BCAT1: variants seen among roughly 807,000 people sequenced by gnomAD.
BCAT1 encodes branched chain amino acid transaminase 1.
In BCAT1, 48 loss-of-function variants were observed where a neutral mutation model predicts 52.4. The observed-to-expected ratio is 0.92, with a 90% CI of 0.73 to 1.16. The LOEUF is 1.16. Among genes scored for constraint, BCAT1 ranks in the 50% most tolerant of loss-of-function variants. The pLI is 0.00. For missense variants in BCAT1, 451 were observed against 457.1 expected (o/e 0.99, Z 0.12); for synonymous variants, 167 against 161.3 (o/e 1.04, Z -0.27).
intron 5 of BCAT1, among the ~76,000 whole-genome samples, chr12:24,861,970 T>C (rs1240326305): frequency 2.0e-5 from 3 of 152,240 alleles, no homozygotes; most frequent in Non-Finnish European, 4.4e-5. Flanking sequence ...ACCAGTGCCA[T>C]GGCAGTTTAC....
chr12:24,903,510 A>T (rs1943170804), intron 1 of BCAT1: 1 of 152,364 alleles, frequency 6.6e-6, no homozygotes, highest in Non-Finnish European at 1.5e-5. Context: ...TCTGCCACTG[A>T]CCGCTATGTG....
At chr12:24,934,497 A>G (rs1943724190) in intron 1 of BCAT1, among the ~76,000 whole-genome samples, 1 of 152,198 alleles carries the variant, frequency 6.6e-6, no homozygotes, top group Non-Finnish European at 1.5e-5. Context: ...TGTTCAATAA[A>G]TGCATTATAA....
chr12:24,885,333 C>T (rs1942628151), intron 3 of BCAT1, among the ~76,000 whole-genome samples: 1 of 151,996 alleles, frequency 6.6e-6, no homozygotes, highest in Non-Finnish European at 1.5e-5. Flanking sequence ...GGAGAAAAAT[C>T]TAACAAAAGA....
chr12:24,873,444 T>C (rs1188822856), intron 5 of BCAT1, among the ~76,000 whole-genome samples: 1 of 152,202 alleles, frequency 6.6e-6, no homozygotes, highest in African/African-American at 2.4e-5. Context: ...TTACAAGAAG[T>C]TTATATAACA....
At chr12:24,930,318 C>T (rs1039864425) in intron 1 of BCAT1, among the ~76,000 whole-genome samples, 1 of 152,218 alleles carries the variant, frequency 6.6e-6, no homozygotes, top group Non-Finnish European at 1.5e-5. Flanking sequence ...CTTGCCCCAG[C>T]AAGTAGCCTT....
chr12:24,929,820 T>G (rs1322370165), intron 1 of BCAT1, among the ~76,000 whole-genome samples: 1 of 152,202 alleles, frequency 6.6e-6, no homozygotes, highest in African/African-American at 2.4e-5. Context: ...CATCTGGCCT[T>G]TCTTTGAGTC....
At chr12:24,918,805 C>G (rs1943457883) in intron 1 of BCAT1, among the ~76,000 whole-genome samples, 1 of 152,210 alleles carries the variant, frequency 6.6e-6, no homozygotes, top group Non-Finnish European at 1.5e-5. Context: ...GTGTACTTCT[C>G]TGGAAAGTCT....
chr12:24,823,557 C>G (rs1940241907), intron 10 of BCAT1, among the ~76,000 whole-genome samples: 1 of 152,180 alleles, frequency 6.6e-6, no homozygotes, highest in Non-Finnish European at 1.5e-5. Context: ...GAATTGTAAT[C>G]CCCCATGTTG....
At chr12:24,917,139 T>C (rs1376314615) in intron 1 of BCAT1, among the ~76,000 whole-genome samples, 1 of 152,000 alleles carries the variant, frequency 6.6e-6, no homozygotes, top group Admixed American at 6.6e-5. Flanking sequence ...CTCGTTCTCC[T>C]TGATGTTGGG....
intron 2 of BCAT1, among the ~76,000 whole-genome samples, chr12:24,900,184 G>A (rs1011309661): frequency 1.3e-5 from 2 of 152,150 alleles, no homozygotes; most frequent in South Asian, 2.1e-4. Context: ...CATATGTGCT[G>A]TGAATACATC....
At chr12:24,863,510 G>C (rs1941911720) in intron 5 of BCAT1, among the ~76,000 whole-genome samples, 1 of 152,200 alleles carries the variant, frequency 6.6e-6, no homozygotes, top group Non-Finnish European at 1.5e-5. Context: ...AGTTATTTGG[G>C]AAATACAGGT....
intron 5 of BCAT1, among the ~76,000 whole-genome samples, chr12:24,876,123 T>C (rs12296255): frequency 0.17 from 25,287 of 151,812 alleles, 2,153 homozygotes; most frequent in East Asian, 0.22. Context: ...CAGAATGGTA[T>C]GTGTACTCAA....
chr12:24,841,990 C>T, intron 7 of BCAT1, 92 bp downstream of exon 7: 1 of 1,437,324 alleles, frequency 7.0e-7, no homozygotes, highest in Non-Finnish European at 9.5e-7. Context: ...AACTGTGCTA[C>T]TTACTCCCTT....
intron 10 of BCAT1, among the ~76,000 whole-genome samples, chr12:24,821,929 G>T (rs1006551764): frequency 1.3e-5 from 2 of 152,142 alleles, no homozygotes; most frequent in African/African-American, 4.8e-5. Context: ...GACAGCCAAG[G>T]CCTTATCCAG....
intron 1 of BCAT1, among the ~76,000 whole-genome samples, chr12:24,932,783 T>G (rs1943694319): frequency 6.7e-6 from 1 of 148,848 alleles, no homozygotes; most frequent in Non-Finnish European, 1.5e-5. Flanking sequence ...ATTACAGGTG[T>G]GTGCCACCAT....
At chr12:24,860,395 CT>C (rs34370749) in intron 5 of BCAT1, among the ~76,000 whole-genome samples, 7,245 of 151,192 alleles carry the variant, frequency 0.048, 541 homozygotes, top group African/African-American at 0.16. Context: ...GTCAAGAAAC[CT>C]TTTTTTTTGA....
Position 24,901,875 on chromosome 12 carries a change from T to C in BCAT1, c.17A>G (p.Asn6Ser). 6.2e-7 allele frequency: 1 copy of C among 1,613,988 alleles called. No homozygotes were observed. The highest frequency in any genetic ancestry group is 8.5e-7 in the Non-Finnish European group (1 of 1,179,890). Residue 6 changes from asparagine (N) to serine (S), a missense_variant, in exon 2 of 11, where the codon AAC becomes AGC. Coordinates refer to ENST00000261192, the MANE Select transcript of BCAT1 (RefSeq NM_005504.7). Reference protein sequence around the residue: MKDCSNGCSAECTGEG... With the variant: MKDCSSGCSAECTGEG... ...TCCGGTACACTCTGCGGAGCATCCG[T>C]TACTGCAATCCTTAAAGAAGAATTA...
intron 6 of BCAT1, among the ~76,000 whole-genome samples, chr12:24,843,551 C>A (rs1036579858): frequency 5.3e-5 from 8 of 152,002 alleles, no homozygotes; most frequent in African/African-American, 1.9e-4. Context: ...TGCAGTGAGC[C>A]AAGATAGCAC....
chr12:24,821,159 A>G (rs2139318725), intron 10 of BCAT1, among the ~76,000 whole-genome samples: 1 of 152,310 alleles, frequency 6.6e-6, no homozygotes, highest in East Asian at 1.9e-4. Context: ...TTATGTAACT[A>G]AGTCATGGAG....
Sources: allele counts gnomAD v4.1 joint callset (sites outside exome capture counted in the v4.1 genomes callset), GRCh38; gene constraint gnomAD v4.1.1; transcripts MANE v1.5; gene names NCBI Gene and HGNC (gene_info 2026-07-23, HGNC 2026-07-21).